Variants in SYT6 observed in about 807,000 individuals in gnomAD.
SYT6 encodes the protein synaptotagmin 6, also known as synaptotagmin-6.
In SYT6, 24 loss-of-function variants were observed where a neutral mutation model predicts 38.4. The ratio of observed to expected loss-of-function variants is 0.62; its 90% confidence interval spans 0.45 to 0.88. The LOEUF (loss-of-function observed/expected upper bound fraction) is 0.88. Among genes scored for constraint, SYT6 ranks in the 40% least tolerant of loss-of-function variants. SYT6 has a pLI of 0.00. For missense variants in SYT6, 611 were observed against 621.0 expected, an observed-to-expected ratio of 0.98 and a Z score of 0.17; for synonymous variants, 265 against 241.9, an observed-to-expected ratio of 1.10 and a Z score of -0.89.
Position 114,137,794 on chromosome 1 carries a change from C to T in SYT6, c.772G>A (p.Ala258Thr). Residue 258 changes from alanine (A) to threonine (T), a missense_variant, in exon 3 of 8, where the codon GCC (alanine) becomes ACC (threonine). By Grantham distance (58) the Ala-to-Thr change is moderately conservative. Coordinates refer to ENST00000610222, the MANE Select transcript of SYT6 (RefSeq NM_001253772.2). Reference protein sequence around the residue: ...VRILKAFDLPAKDFCGSSDPY... With the variant: ...VRILKAFDLPTKDFCGSSDPY... ...TCAGAGCTTCCACAAAAGTCCTTGG[C>T]AGGGAGGTCAAAAGCCTTCAGGATA... 6.2e-7 allele frequency: 1 copy of T among 1,614,060 alleles called. No individual in the cohort carries two copies. Among genetic ancestry groups the T allele is most frequent in the Non-Finnish European group, 8.5e-7 (1 of 1,180,020 alleles).
intron 3 of SYT6, among the ~76,000 whole-genome samples, chr1:114,131,900 A>G (rs1359627513): frequency 2.0e-5 from 3 of 152,218 alleles, no homozygotes; most frequent in Non-Finnish European, 2.9e-5. Flanking sequence ...CAAAGAAAAA[A>G]CAGAACAAAA....
chr1:114,092,973 G>A (rs1326823158), intron 7 of SYT6, among the ~76,000 whole-genome samples: 5 of 152,218 alleles, frequency 3.3e-5, no homozygotes, highest in Non-Finnish European at 7.3e-5. Flanking sequence ...ACCCAGTACT[G>A]TCCTGGGTGT....
chr1:114,146,299 T>C (rs1348265862), intron 1 of SYT6, among the ~76,000 whole-genome samples: 1 of 152,120 alleles, frequency 6.6e-6, no homozygotes, highest in Non-Finnish European at 1.5e-5. Flanking sequence ...AACTCAGACA[T>C]CCCTCATCTC....
At chr1:114,119,532 G>T (rs1475763497) in intron 3 of SYT6, among the ~76,000 whole-genome samples, 1 of 152,212 alleles carries the variant, frequency 6.6e-6, no homozygotes, top group African/African-American at 2.4e-5. Flanking sequence ...TAACCTTATG[G>T]AAAAGGGTTA....
chr1:114,097,715 G>T lies in SYT6; in HGVS notation c.1515+12C>A, dbSNP rs199505299. ...GCAGCAAACATGCCAAGGGCCAGGT[G>T]ACCTCACCCACCTCTTTGAAGGATT... On this transcript the variant is annotated intron_variant, in intron 6 of 7. Transcript: ENST00000610222. The T allele has an allele frequency of 1.4e-5, 23 of 1,613,490 alleles. No individual in the cohort carries two copies. The highest frequency in any genetic ancestry group is 8.5e-7 in the Non-Finnish European group (1 of 1,179,626).
At chr1:114,109,679 C>T (rs183689931) in intron 3 of SYT6, among the ~76,000 whole-genome samples, 19 of 152,140 alleles carry the variant, frequency 1.2e-4, no homozygotes, top group East Asian at 1.9e-4. Flanking sequence ...AAAGAGCTCA[C>T]GGTCTTGGAA....
chr1:114,100,252 A>G (rs142923629), intron 4 of SYT6, among the ~76,000 whole-genome samples: 12 of 152,212 alleles, frequency 7.9e-5, no homozygotes, highest in African/African-American at 2.7e-4. Context: ...CTCACAGGTA[A>G]TAATAGCTTT....
chr1:114,128,194 A>T (rs1325152372), intron 3 of SYT6, among the ~76,000 whole-genome samples: 3 of 152,214 alleles, frequency 2.0e-5, no homozygotes, highest in Non-Finnish European at 4.4e-5. Context: ...GCTTCCGTGT[A>T]ACCCTGATTT....
At chr1:114,105,546 G>A (rs1306702559) in intron 3 of SYT6, among the ~76,000 whole-genome samples, 1 of 151,930 alleles carries the variant, frequency 6.6e-6, no homozygotes, top group Non-Finnish European at 1.5e-5. Flanking sequence ...GGCACACTGT[G>A]GAGACAGCCA....
At chr1:114,152,054 CT>C (rs1679464565) in intron 1 of SYT6, among the ~76,000 whole-genome samples, 1 of 152,158 alleles carries the variant, frequency 6.6e-6, no homozygotes, top group African/African-American at 2.4e-5. Flanking sequence ...CACCCCAAGG[CT>C]GGATACAGCC....
intron 3 of SYT6, among the ~76,000 whole-genome samples, chr1:114,122,436 G>A (rs1393374166): frequency 6.6e-6 from 1 of 152,120 alleles, no homozygotes; most frequent in African/African-American, 2.4e-5. Context: ...ACAGGAATGA[G>A]CACTTTGCTG....
In SYT6 at chr1:114,123,196, G is replaced by A. The variant is rs116748580; in HGVS notation, c.1071+14299C>T. ...GACAATGTGGAGGAGGCATTTTCAA[G>A]CAGGTGCCTCAAGTCACAAAGCTAG... is the stretch of plus-strand genomic sequence containing the variant. On this transcript the variant is annotated intron_variant, in intron 3 of 7. Transcript: ENST00000610222. 7.3e-3 allele frequency among the ~76,000 whole-genome samples: 1,115 copies of A among 152,292 alleles called. 13 individuals carry two copies. Among genetic ancestry groups the A allele is most frequent in the African/African-American group, 0.025 (1,052 of 41,552 alleles).
In SYT6 at chr1:114,137,935, G is replaced by C; in HGVS notation, c.631C>G (p.Leu211Val). ...PTSIGRIKPE[L>V]YKQKSVDGED... ...CCATCCACCGACTTCTGCTTGTAGAGCTCAGGCTTGATGCGGCCAATGCTG... is the reference window on the plus strand; with the variant it reads ...CCATCCACCGACTTCTGCTTGTAGACCTCAGGCTTGATGCGGCCAATGCTG... The change falls in exon 3 of 8, where the codon CTC (leucine) becomes GTC (valine). Residue 211 changes from leucine to valine, a missense_variant. Coordinates refer to ENST00000610222, the MANE Select transcript of SYT6 (RefSeq NM_001253772.2). 2 of 1,614,060 alleles carry C rather than the reference G, an allele frequency of 1.2e-6. No individual in the cohort carries two copies. The highest frequency in any genetic ancestry group is 1.7e-6 in the Non-Finnish European group (2 of 1,180,010).
intron 3 of SYT6, among the ~76,000 whole-genome samples, chr1:114,130,019 C>G (rs946650962): frequency 6.6e-6 from 1 of 151,962 alleles, no homozygotes; most frequent in Admixed American, 6.6e-5. Context: ...AGATGCCATC[C>G]CACTGCAGGG....
intron 3 of SYT6, among the ~76,000 whole-genome samples, chr1:114,134,332 C>CAATTCCAACTGCTTCTTT (rs1238461876): frequency 3.9e-5 from 6 of 152,204 alleles, no homozygotes; most frequent in Non-Finnish European, 7.3e-5. Flanking sequence ...TAACCCCATT[C>CAATTCCAACTGCTTCTTT]AATTCCAACT....
intron 3 of SYT6, among the ~76,000 whole-genome samples, chr1:114,111,961 G>A (rs899099758): frequency 1.3e-5 from 2 of 152,170 alleles, no homozygotes; most frequent in Non-Finnish European, 2.9e-5. Context: ...GGGCTCCTAG[G>A]GCTTCAGCAA....
chr1:114,119,840 G>T (rs931783557), intron 3 of SYT6, among the ~76,000 whole-genome samples: 2 of 152,180 alleles, frequency 1.3e-5, no homozygotes, highest in African/African-American at 4.8e-5. Context: ...GGGAGGCGGA[G>T]GCAGGCGGAT....
intron 3 of SYT6, among the ~76,000 whole-genome samples, chr1:114,128,790 T>C (rs902234279): frequency 5.3e-5 from 8 of 152,254 alleles, no homozygotes; most frequent in African/African-American, 1.7e-4. Flanking sequence ...TAGTCTCCTT[T>C]GCTGGGTTTT....
chr1:114,105,137 G>A (rs1231747780), intron 3 of SYT6, among the ~76,000 whole-genome samples: 1 of 152,098 alleles, frequency 6.6e-6, no homozygotes, highest in African/African-American at 2.4e-5. Flanking sequence ...GCAGAGAAGT[G>A]GAATATAAAA....
Sources: allele counts gnomAD v4.1 joint callset (sites outside exome capture counted in the v4.1 genomes callset), GRCh38; gene constraint gnomAD v4.1.1; transcripts MANE v1.5; gene names NCBI Gene and HGNC (gene_info 2026-07-23, HGNC 2026-07-21).